SEMA3A: variants seen among roughly 807,000 people sequenced by gnomAD.
SEMA3A encodes semaphorin 3A.
A neutral mutation model predicts 97.9 loss-of-function variants in SEMA3A; 29 were observed. The observed-to-expected ratio is 0.30, with a 90% CI of 0.22 to 0.40. The LOEUF (loss-of-function observed/expected upper bound fraction) is 0.40, where lower values mean the gene tolerates loss of function less well. SEMA3A is among the 10% of genes least tolerant of loss of function. The pLI is 1.00. For missense variants in SEMA3A, 763 were observed against 951.3 expected, an observed-to-expected ratio of 0.80 and a Z score of 2.60; for synonymous variants, 321 against 323.7, an observed-to-expected ratio of 0.99 and a Z score of 0.09.
intron 13 of SEMA3A, among the ~76,000 whole-genome samples, chr7:83,983,419 G>T (rs17305396): frequency 0.38 from 57,836 of 151,658 alleles, 11,533 homozygotes; most frequent in Middle Eastern, 0.49. Flanking sequence ...CGCCAATAAC[G>T]TCTAAGAAGC....
chr7:84,279,920 T>C (rs1438364761), intron 3 of SEMA3A, among the ~76,000 whole-genome samples: 5 of 152,124 alleles, frequency 3.3e-5, no homozygotes, highest in African/African-American at 1.2e-4. Flanking sequence ...ATTTTTGACC[T>C]AAGGTCTCAC....
chr7:84,439,245 T>A (rs1198366702), intron 1 of SEMA3A, among the ~76,000 whole-genome samples: 1 of 151,990 alleles, frequency 6.6e-6, no homozygotes, highest in East Asian at 1.9e-4. Flanking sequence ...AGAGGGAGAA[T>A]ATGCACATAG....
chr7:84,051,208 C>A (rs1454529206), intron 5 of SEMA3A, among the ~76,000 whole-genome samples: 1 of 150,362 alleles, frequency 6.7e-6, no homozygotes, highest in Non-Finnish European at 1.5e-5. Context: ...TTTTTGGTTC[C>A]ATATGAACTT....
intron 6 of SEMA3A, among the ~76,000 whole-genome samples, chr7:84,036,739 C>A (rs1383033283): frequency 6.6e-6 from 1 of 151,878 alleles, no homozygotes; most frequent in Non-Finnish European, 1.5e-5. Flanking sequence ...GCTATTTTAC[C>A]TCTATCATAT....
chr7:84,193,755 CTTTAA>C (rs1320047706), intron 1 of SEMA3A, among the ~76,000 whole-genome samples: 1 of 152,160 alleles, frequency 6.6e-6, no homozygotes, highest in Non-Finnish European at 1.5e-5. Context: ...TTTTTTCTCT[CTTTAA>C]TTTATACTTT....
intron 2 of SEMA3A, among the ~76,000 whole-genome samples, chr7:84,343,849 CAAACA>C (rs1271609082): frequency 6.6e-6 from 1 of 151,750 alleles, no homozygotes; most frequent in African/African-American, 2.4e-5. Flanking sequence ...ACAAAACAAA[CAAACA>C]AAACAGTCAC....
At chr7:83,994,463 T>C (rs1403831944) in intron 12 of SEMA3A, among the ~76,000 whole-genome samples, 2 of 122,758 alleles carry the variant, frequency 1.6e-5, no homozygotes, top group African/African-American at 3.0e-5. Context: ...ACTTTTGGTC[T>C]TTGATGATGG....
intron 3 of SEMA3A, among the ~76,000 whole-genome samples, chr7:84,272,194 G>C (rs1278319417): frequency 6.6e-6 from 1 of 151,956 alleles, no homozygotes; most frequent in Non-Finnish European, 1.5e-5. Context: ...TGCAGGAAAA[G>C]ATTGAAAAAC....
At chr7:84,038,503 G>A (rs540626492) in intron 6 of SEMA3A, among the ~76,000 whole-genome samples, 2 of 152,132 alleles carry the variant, frequency 1.3e-5, no homozygotes, top group South Asian at 4.1e-4. Context: ...GAGAGAAACT[G>A]CAGTTATTCT....
At chr7:84,145,256 T>C (rs1796429182) in intron 1 of SEMA3A, among the ~76,000 whole-genome samples, 1 of 152,128 alleles carries the variant, frequency 6.6e-6, no homozygotes, top group African/African-American at 2.4e-5. Context: ...TGTACATACA[T>C]AGATTAATCA....
chr7:84,448,529 G>T (rs1562951582), intron 1 of SEMA3A, among the ~76,000 whole-genome samples: 1 of 151,828 alleles, frequency 6.6e-6, no homozygotes, highest in African/African-American at 2.4e-5. Flanking sequence ...GTATAGAAAA[G>T]GAGATGAAGA....
At chr7:84,074,095 C>A (rs1429882179) in intron 4 of SEMA3A, among the ~76,000 whole-genome samples, 1 of 152,086 alleles carries the variant, frequency 6.6e-6, no homozygotes, top group African/African-American at 2.4e-5. Flanking sequence ...TTTAAAATCT[C>A]TTTTCCTTTG....
At chr7:84,093,661 C>G (rs1794661331) in intron 4 of SEMA3A, among the ~76,000 whole-genome samples, 1 of 151,998 alleles carries the variant, frequency 6.6e-6, no homozygotes. Flanking sequence ...ATGACTGGAG[C>G]TGAAAGCCAT....
intron 10 of SEMA3A, among the ~76,000 whole-genome samples, chr7:84,006,391 A>G (rs762983908): frequency 5.9e-5 from 9 of 152,004 alleles, no homozygotes; most frequent in Non-Finnish European, 1.2e-4. Context: ...AGTTAAGGAA[A>G]AGTGTTATTC....
chr7:84,151,374 C>G (rs1419153144), intron 1 of SEMA3A, among the ~76,000 whole-genome samples: 1 of 151,140 alleles, frequency 6.6e-6, no homozygotes, highest in African/African-American at 2.4e-5. Flanking sequence ...ACTAGAATAA[C>G]CAATACAGAG....
chr7:84,229,700 AT>A (rs1484421861), intron 3 of SEMA3A, among the ~76,000 whole-genome samples: 1 of 152,074 alleles, frequency 6.6e-6, no homozygotes, highest in African/African-American at 2.4e-5. Context: ...ATGGAACACT[AT>A]TAATTTCTGG....
intron 1 of SEMA3A, among the ~76,000 whole-genome samples, chr7:84,464,031 T>C (rs1805930797): frequency 1.3e-5 from 2 of 152,176 alleles, no homozygotes; most frequent in Non-Finnish European, 2.9e-5. Flanking sequence ...ATGTTACTCA[T>C]ACTTTGACAT....
At position 84,234,305 on chromosome 7, in the gene SEMA3A, A is replaced by G. The variant is rs575926970; in HGVS notation, c.-82-39637T>C. Among the ~76,000 whole-genome samples the G allele has an allele frequency of 1.6e-4, 25 of 152,154 alleles. No homozygotes were observed. In the South Asian group the frequency reaches 5.2e-3, roughly 32 times the overall value. On this transcript the variant is annotated intron_variant, in intron 3 of 3. Transcript: ENST00000424555. The stretch of plus-strand genomic sequence containing the variant: ...AACCTGACCTTACTCTGGTGGTGCT[A>G]TTTACCCTAAAACCCTTCCACACTC...
intron 1 of SEMA3A, among the ~76,000 whole-genome samples, chr7:84,425,044 A>G (rs1279708748): frequency 9.7e-6 from 1 of 103,376 alleles, no homozygotes; most frequent in African/African-American, 4.0e-5. Flanking sequence ...TTATAATTAT[A>G]TATAATTATA....
Sources: gnomAD v4.1 joint callset for allele counts (sites outside exome capture counted in the v4.1 genomes callset) on GRCh38, gnomAD v4.1.1 for gene constraint, MANE v1.5 for transcripts, NCBI Gene and HGNC (gene_info 2026-07-23, HGNC 2026-07-21) for gene names.